The following BRF1 variants were observed in gnomAD, a reference collection of about 807,000 sequenced individuals.
BRF1 encodes BRF1 general transcription factor IIIB subunit, also known as transcription factor IIIB 90 kDa subunit.
Under a neutral mutation model 81.7 loss-of-function variants are expected in BRF1, and 59 were observed. The observed-to-expected ratio is 0.72, with a 90% CI of 0.59 to 0.90. BRF1 has a LOEUF of 0.90. Ranked by LOEUF, BRF1 falls within the 40% of genes least tolerant of loss-of-function variation. The probability of loss-of-function intolerance (pLI) is 0.00; values close to 1 mark genes in which losing one functional copy is unlikely to be tolerated. For missense variants in BRF1, 1,050 were observed against 936.3 expected (o/e 1.12, Z -1.58); for synonymous variants, 491 against 395.6 (o/e 1.24, Z -2.86).
At chr14:105,242,817 G>C (rs940090005) in intron 5 of BRF1, among the ~76,000 whole-genome samples, 1 of 144,298 alleles carries the variant, frequency 6.9e-6, no homozygotes, top group African/African-American at 2.5e-5. Flanking sequence ...AAAAGTTTTT[G>C]AAAAAAATTT....
chr14:105,248,961 C>A (rs1270331726), intron 5 of BRF1: 5 of 980,370 alleles, frequency 5.1e-6, no homozygotes, highest in Non-Finnish European at 6.0e-6. Context: ...GAAGGCCGGG[C>A]CGCGCAGCCC....
intron 1 of BRF1, among the ~76,000 whole-genome samples, chr14:105,310,297 G>A (rs1427278135): frequency 5.3e-5 from 8 of 151,168 alleles, no homozygotes; most frequent in African/African-American, 1.5e-4. Context: ...TTGGGAGGTC[G>A]AGGCGGGCGG....
chr14:105,310,301 C>T (rs1007278361), intron 1 of BRF1, among the ~76,000 whole-genome samples: 20 of 150,772 alleles, frequency 1.3e-4, no homozygotes, highest in Admixed American at 5.9e-4. Context: ...GAGGTCGAGG[C>T]GGGCGGATCA....
At chr14:105,241,549 CT>C in intron 5 of BRF1, 135 bp from the exon 6 acceptor site, 1 of 1,158,528 alleles carries the variant, frequency 8.6e-7, no homozygotes, top group African/African-American at 1.5e-5. Flanking sequence ...TTCCCCTCCC[CT>C]GGACAAAGCC....
At chr14:105,263,682 T>A (rs587601532) in intron 3 of BRF1, among the ~76,000 whole-genome samples, 7 of 151,970 alleles carry the variant, frequency 4.6e-5, no homozygotes, top group Non-Finnish European at 8.8e-5. Flanking sequence ...TCCCAACACT[T>A]TGGAAGGGTG....
At chr14:105,263,388 G>A (rs2056250254) in intron 3 of BRF1, among the ~76,000 whole-genome samples, 1 of 152,194 alleles carries the variant, frequency 6.6e-6, no homozygotes, top group African/African-American at 2.4e-5. Context: ...AGCGAGCAGG[G>A]CACAGTGCAC....
chr14:105,295,208 G>A (rs750038200), intron 1 of BRF1, among the ~76,000 whole-genome samples: 7 of 148,362 alleles, frequency 4.7e-5, no homozygotes, highest in African/African-American at 7.6e-5. Context: ...AGCTCATGCC[G>A]CTAATCCCAG....
At chr14:105,229,567 CAA>C (rs1032037188) in intron 6 of BRF1, among the ~76,000 whole-genome samples, 3 of 152,210 alleles carry the variant, frequency 2.0e-5, no homozygotes, top group Non-Finnish European at 4.4e-5. Flanking sequence ...GCACCAAGGG[CAA>C]AGTGAGAGTC....
At position 105,241,258 on chromosome 14, in the gene BRF1, G is replaced by C. The variant is rs200577191; in HGVS notation, c.694+7C>G. 3 of 1,610,122 alleles carry C rather than the reference G, an allele frequency of 1.9e-6. No individual in the cohort carries two copies. The highest frequency in any genetic ancestry group is 2.5e-6 in the Non-Finnish European group (3 of 1,179,608). On this transcript the variant is annotated splice_region_variant and intron_variant, in intron 6 of 17. Coordinates refer to ENST00000547530, the MANE Select transcript of BRF1 (RefSeq NM_001519.4). Reference sequence around the variant, plus strand: ...AGCATCCCCCAGGCAGGCAGGGCCCGCTGTACCTGCTCCGCAGAGGCCCGA... The same window carrying C: ...AGCATCCCCCAGGCAGGCAGGGCCCCCTGTACCTGCTCCGCAGAGGCCCGA...
chr14:105,220,191 A>G, intron 11 of BRF1, 61 bp from the exon 12 acceptor site: 1 of 1,600,382 alleles, frequency 6.2e-7, no homozygotes, highest in Non-Finnish European at 8.5e-7. Flanking sequence ...GAGCGTGGCC[A>G]CCACCTGGGC....
chr14:105,218,378 G>A (rs1247251665), intron 14 of BRF1, among the ~76,000 whole-genome samples: 2 of 152,178 alleles, frequency 1.3e-5, no homozygotes, highest in African/African-American at 4.8e-5. Flanking sequence ...GCTGGGTGGG[G>A]TGGAGTCCCT....
At chr14:105,250,799 T>A in intron 5 of BRF1, 1 of 1,029,802 alleles carries the variant, frequency 9.7e-7, no homozygotes, top group Non-Finnish European at 1.4e-6. Flanking sequence ...CAGCTGAAGC[T>A]TGACTGTGTA....
intron 11 of BRF1, among the ~76,000 whole-genome samples, chr14:105,220,500 G>A (rs1892109265): frequency 6.6e-6 from 1 of 152,212 alleles, no homozygotes; most frequent in Admixed American, 6.5e-5. Context: ...GAGTGAGATG[G>A]GGGTCTGTGC....
rs1014976052 is a variant in BRF1, at chr14:105,264,559, C to T, written c.440-8010G>A. On this transcript the variant is annotated intron_variant, in intron 3 of 17. Coordinates refer to ENST00000547530, the MANE Select transcript of BRF1 (RefSeq NM_001519.4). ...GCGGGTGCCTGTAGTCCCAGCTACT[C>T]GGGAAGCTGAGGCAGGAGAATGGCA... Among the ~76,000 whole-genome samples, 7 of 149,164 alleles carry T rather than the reference C, an allele frequency of 4.7e-5. No homozygotes were observed. In the South Asian group the frequency reaches 6.4e-4, roughly 14 times the overall value.
chr14:105,282,363 G>A (rs768054083), intron 2 of BRF1, among the ~76,000 whole-genome samples: 17 of 152,220 alleles, frequency 1.1e-4, no homozygotes, highest in East Asian at 1.9e-4. Flanking sequence ...AGGGTGGCCC[G>A]TGAGTTTATT....
chr14:105,246,620 T>C (rs2055128964), intron 5 of BRF1, among the ~76,000 whole-genome samples: 1 of 151,098 alleles, frequency 6.6e-6, no homozygotes, highest in South Asian at 2.1e-4. Flanking sequence ...CAGGTGCCCG[T>C]TAATTTTTGT....
Position 105,300,991 on chromosome 14 carries a change from C to G in BRF1, c.-362G>C, listed in dbSNP as rs1038653372. The G allele has an allele frequency of 2.6e-5, 4 of 153,232 alleles. No homozygotes were observed. The highest frequency in any genetic ancestry group is 4.4e-5 in the Non-Finnish European group (3 of 68,650). 9.5% of individuals were successfully genotyped at this position (153,232 alleles called of 1,614,324 possible). A position where few individuals can be genotyped will look rare whatever the true frequency, so the allele number is the denominator to read the frequency against. Reference sequence around the variant, plus strand: ...AGCGGGGCCTACCGGTGAGCGCAGCCGAGGACTGGCGCTTGGGGGCGGGGC... The same window carrying G: ...AGCGGGGCCTACCGGTGAGCGCAGCGGAGGACTGGCGCTTGGGGGCGGGGC... On this transcript the variant is annotated 5_prime_UTR_variant, in exon 1 of 18. Transcript: ENST00000547530.
chr14:105,314,257 A>T (rs1438146263), intron 1 of BRF1, among the ~76,000 whole-genome samples: 1 of 151,266 alleles, frequency 6.6e-6, no homozygotes, highest in Non-Finnish European at 1.5e-5. Flanking sequence ...GGCAGGAGAC[A>T]AGGGGCGGCG....
At chr14:105,219,867 G>A in intron 12 of BRF1, 2 of 621,218 alleles carry the variant, frequency 3.2e-6, no homozygotes, top group Non-Finnish European at 5.6e-6. Flanking sequence ...CCTCTCGACA[G>A]GCCGCCCCCG....
Sources: gnomAD v4.1 joint callset for allele counts (sites outside exome capture counted in the v4.1 genomes callset) on GRCh38, gnomAD v4.1.1 for gene constraint, MANE v1.5 for transcripts, NCBI Gene and HGNC (gene_info 2026-07-23, HGNC 2026-07-21) for gene names.